The following BCORL1 variants were observed in gnomAD, a reference collection of about 807,000 sequenced individuals.
BCORL1 encodes the protein BCL-6 corepressor-like protein 1.
A neutral mutation model predicts 87.6 loss-of-function variants in BCORL1; 7 were observed. The ratio of observed to expected loss-of-function variants is 0.08; its 90% CI spans 0.05 to 0.15. BCORL1 has a LOEUF of 0.15. BCORL1 is among the 10% of genes least tolerant of loss of function. The pLI is 1.00. For missense variants in BCORL1, 1,215 were observed against 1,499.7 expected (o/e 0.81, Z 3.13); for synonymous variants, 591 against 634.4 (o/e 0.93, Z 1.03).
chrX:129,998,640 C>T (rs1209341565), intron 1 of BCORL1, among the ~76,000 whole-genome samples: 3 of 112,042 alleles, frequency 2.7e-5, no homozygotes, highest in African/African-American at 9.7e-5. Context: ...CATTGGTTGA[C>T]ATTGACCGTC....
At chrX:130,009,465 G>GA (rs58485210) in intron 2 of BCORL1, among the ~76,000 whole-genome samples, 4,154 of 50,871 alleles carry the variant, frequency 0.082, 255 homozygotes, top group African/African-American at 0.2. Flanking sequence ...CTAAAAGAAA[G>GA]AAAAAAAAAA....
intron 11 of BCORL1, among the ~76,000 whole-genome samples, chrX:130,046,022 C>T (rs1040740784): frequency 9.0e-6 from 1 of 111,499 alleles, no homozygotes; most frequent in Admixed American, 9.6e-5. Context: ...TGGCTCACAC[C>T]TATAATCCCA....
chrX:130,011,737 G>C (rs1312829397), intron 2 of BCORL1, among the ~76,000 whole-genome samples: 1 of 110,808 alleles, frequency 9.0e-6, no homozygotes, highest in Non-Finnish European at 1.9e-5. Context: ...CCTTTTCTCT[G>C]GGACATATGA....
At chrX:130,052,775 T>G (rs747433649) in intron 13 of BCORL1, among the ~76,000 whole-genome samples, 1 of 112,632 alleles carries the variant, frequency 8.9e-6, no homozygotes, top group South Asian at 3.6e-4. Context: ...CTTCATGTAT[T>G]TCAAATACTT....
intron 1 of BCORL1, among the ~76,000 whole-genome samples, chrX:130,002,764 T>G (rs1417645485): frequency 8.1e-5 from 7 of 86,859 alleles, no homozygotes; most frequent in African/African-American, 1.8e-4. Flanking sequence ...GAGAGAAAGG[T>G]GAGGAGGAGG....
chrX:130,042,732 G>A (rs1931409273), intron 11 of BCORL1, among the ~76,000 whole-genome samples: 1 of 111,670 alleles, frequency 9.0e-6, no homozygotes, highest in South Asian at 3.7e-4. Flanking sequence ...AGCACTTTGG[G>A]AGGCCAAGGT....
intron 11 of BCORL1, among the ~76,000 whole-genome samples, chrX:130,039,612 G>T (rs1931198412): frequency 8.8e-6 from 1 of 113,272 alleles, no homozygotes; most frequent in African/African-American, 3.2e-5. Flanking sequence ...GGGGCAGAAT[G>T]TGTTGACCTG....
intron 11 of BCORL1, among the ~76,000 whole-genome samples, chrX:130,050,365 G>C (rs767896611): frequency 1.8e-5 from 2 of 110,677 alleles, no homozygotes; most frequent in Non-Finnish European, 3.8e-5. Flanking sequence ...TTGAGCCCAG[G>C]AGTTCAAGGT....
At chrX:130,005,709 G>A (rs951914026) in intron 2 of BCORL1, among the ~76,000 whole-genome samples, 2 of 110,568 alleles carry the variant, frequency 1.8e-5, no homozygotes, top group African/African-American at 6.6e-5. Context: ...TCCGCCTCCT[G>A]GGCTCAAGTG....
chrX:130,033,929 C>T (rs1162997658), intron 8 of BCORL1, among the ~76,000 whole-genome samples: 3 of 110,382 alleles, frequency 2.7e-5, no homozygotes, highest in African/African-American at 9.9e-5. Flanking sequence ...TTGCAGTGAG[C>T]AGAGATCACA....
At chrX:129,983,507 G>T (rs986214546) in intron 1 of BCORL1, among the ~76,000 whole-genome samples, 18 of 106,932 alleles carry the variant, frequency 1.7e-4, no homozygotes, top group Non-Finnish European at 3.3e-4. Flanking sequence ...GGTGCGACGG[G>T]TGCTCTTCAG....
intron 3 of BCORL1, 97 bp from the exon 4 acceptor site, chrX:130,012,853 G>A: frequency 8.9e-7 from 1 of 1,128,207 alleles, no homozygotes; most frequent in Non-Finnish European, 1.2e-6. Flanking sequence ...GGTTGGTCGA[G>A]TTGCAGAGAA....
intron 1 of BCORL1, among the ~76,000 whole-genome samples, chrX:130,000,880 A>G (rs778247029): frequency 3.3e-4 from 35 of 105,292 alleles, no homozygotes; most frequent in African/African-American, 1.0e-3. Context: ...TGTAGTAAGC[A>G]AACATGGTGG....
At chrX:130,017,705 G>C (rs992145311) in intron 4 of BCORL1, among the ~76,000 whole-genome samples, 1 of 107,264 alleles carries the variant, frequency 9.3e-6, no homozygotes, top group Non-Finnish European at 1.9e-5. Flanking sequence ...GCAGTGGCTC[G>C]ATCACAGCTC....
upstream of BCORL1, chrX:129,980,999 G>C (rs971294495): frequency 9.2e-6 from 1 of 109,061 alleles, no homozygotes; most frequent in Non-Finnish European, 1.9e-5. Context: ...GGCCGCGAGC[G>C]GAGGGAGGGA....
At chrX:129,984,392 G>A (rs1926425491) in intron 1 of BCORL1, among the ~76,000 whole-genome samples, 1 of 109,272 alleles carries the variant, frequency 9.2e-6, no homozygotes, top group Non-Finnish European at 1.9e-5. Flanking sequence ...GGACGACGAC[G>A]ACGAGGAGCC....
Position 130,020,273 on chromosome X carries a change from C to T in BCORL1, c.3442-712C>T, listed in dbSNP as rs377247808. 7.1e-5 allele frequency among the ~76,000 whole-genome samples: 8 copies of T among 112,022 alleles called. No individual in the cohort carries two copies. The East Asian group carries it at 2.0e-3, about 27-fold the overall frequency. On this transcript the variant is annotated intron_variant, in intron 4 of 13. Coordinates refer to ENST00000540052, the MANE Select transcript of BCORL1 (RefSeq NM_001379451.1). ...TGTCTTGGAGCCTCCGTTTTCTTAT[C>T]TGTTCAGTGGGGATAATATTAGCTT...
rs1932390257 is a variant in BCORL1, at chrX:130,056,348, G to A, written c.*212G>A. 5.2e-6 allele frequency: 2 copies of A among 385,351 alleles called. No homozygotes were observed. The highest frequency in any genetic ancestry group is 1.1e-4 in the Admixed American group (2 of 18,938). The allele number at this position is 385,351 out of a possible 1,213,427, so 31.8% of individuals were successfully genotyped here. On this transcript the variant is annotated 3_prime_UTR_variant, in exon 14 of 14. Transcript: ENST00000540052. ...TCTCCCTGTCGTCGTCATTGTTATCGTGGTTGCTGATGGGGGTGGAAAGTT... is the reference window on the plus strand; with the variant it reads ...TCTCCCTGTCGTCGTCATTGTTATCATGGTTGCTGATGGGGGTGGAAAGTT...
rs761835647 is a variant in BCORL1 at position 130,013,366 on chromosome X, T to C, written c.594T>C (p.Pro198=). The change falls in exon 4 of 14, where the codon CCT becomes CCC. Residue 198 remains proline (P), a synonymous_variant. Transcript: ENST00000540052. ...TLPLVTTNFS[P]LPAPICPPAP... is the part of the protein sequence containing the mutation. ...CCCTGGTTACCACTAACTTCAGTCC[T>C]CTGCCAGCCCCTATCTGTCCCCCTG... 2.7e-5 allele frequency: 33 copies of C among 1,211,114 alleles called. No individual in the cohort carries two copies. The highest frequency in any genetic ancestry group is 3.5e-5 in the Non-Finnish European group (31 of 895,019).
Sources: allele counts gnomAD v4.1 joint callset (sites outside exome capture counted in the v4.1 genomes callset), GRCh38; gene constraint gnomAD v4.1.1; transcripts MANE v1.5; gene names NCBI Gene and HGNC (gene_info 2026-07-23, HGNC 2026-07-21).